Variants in TSPAN15 observed in about 807,000 individuals in gnomAD.
The protein encoded by TSPAN15 is tetraspanin 15, also known as tetraspanin-15.
In TSPAN15, 20 loss-of-function variants were observed where a neutral mutation model predicts 34.5. The observed-to-expected ratio is 0.58, with a 90% CI of 0.41 to 0.84. TSPAN15 has a LOEUF of 0.84. TSPAN15 is among the 40% of genes least tolerant of loss of function. TSPAN15 has a pLI of 0.00. For missense variants in TSPAN15, 313 were observed against 386.1 expected, an observed-to-expected ratio of 0.81 and a Z score of 1.59; for synonymous variants, 155 against 153.9, an observed-to-expected ratio of 1.01 and a Z score of -0.05.
downstream of TSPAN15, among the ~76,000 whole-genome samples, chr10:69,510,994 T>C (rs1192662618): frequency 6.6e-6 from 1 of 152,230 alleles, no homozygotes; most frequent in Non-Finnish European, 1.5e-5. Context: ...TTATTGAGGA[T>C]TTTTGCATCG....
intron 1 of TSPAN15, among the ~76,000 whole-genome samples, chr10:69,466,712 T>C (rs1200740338): frequency 2.0e-5 from 3 of 152,230 alleles, no homozygotes; most frequent in African/African-American, 7.2e-5. Flanking sequence ...TCTGGGAATG[T>C]AGGCAGTGTG....
chr10:69,533,906 A>T, the TSPAN15 span, among the ~76,000 whole-genome samples: 16 of 152,278 alleles, frequency 1.1e-4, no homozygotes, highest in East Asian at 2.3e-3. Context: ...TGCAGAATTG[A>T]TTGCTTGTTT....
At chr10:69,488,756 T>C (rs1015284582) in intron 3 of TSPAN15, among the ~76,000 whole-genome samples, 5 of 151,984 alleles carry the variant, frequency 3.3e-5, no homozygotes, top group Non-Finnish European at 7.4e-5. Flanking sequence ...GATCACATGC[T>C]TCAAAGGGCA....
At chr10:69,483,928 G>GCC in intron 2 of TSPAN15, 52 bp downstream of exon 2, 2 of 1,568,526 alleles carry the variant, frequency 1.3e-6, no homozygotes, top group Non-Finnish European at 1.7e-6. Context: ...GAGCTGGGGC[G>GCC]CCTGCCCCTG....
intron 1 of TSPAN15, among the ~76,000 whole-genome samples, chr10:69,469,605 G>A (rs1589630241): frequency 1.3e-5 from 2 of 152,078 alleles, no homozygotes; most frequent in African/African-American, 2.4e-5. Context: ...AGCCTCCCAC[G>A]TATTAGGTTG....
the TSPAN15 span, among the ~76,000 whole-genome samples, chr10:69,528,679 C>T: frequency 1.3e-5 from 2 of 148,396 alleles, no homozygotes; most frequent in African/African-American, 4.9e-5. Context: ...AGCAATGGAA[C>T]AGCTCACAGA....
At chr10:69,526,497 A>C in the TSPAN15 span, among the ~76,000 whole-genome samples, 4 of 148,528 alleles carry the variant, frequency 2.7e-5, no homozygotes, top group African/African-American at 9.8e-5. Flanking sequence ...GATGGCTAGA[A>C]TGAAAAAGCC....
intron 1 of TSPAN15, among the ~76,000 whole-genome samples, chr10:69,458,120 C>A (rs754999994): frequency 1.3e-5 from 2 of 152,284 alleles, no homozygotes; most frequent in African/African-American, 2.4e-5. Flanking sequence ...CCTTTCCAGG[C>A]GCCATGTATG....
At chr10:69,523,368 C>A in the TSPAN15 span, 1 of 576,560 alleles carries the variant, frequency 1.7e-6, no homozygotes, top group Non-Finnish European at 3.2e-6. Context: ...GGGCCAAAGT[C>A]TGGATGCTGG....
chr10:69,498,691 T>C (rs770627590), intron 5 of TSPAN15, among the ~76,000 whole-genome samples: 2 of 152,198 alleles, frequency 1.3e-5, no homozygotes, highest in East Asian at 3.9e-4. Flanking sequence ...CATTTAGTAT[T>C]CACGACAACC....
the TSPAN15 span, among the ~76,000 whole-genome samples, chr10:69,514,327 A>G: frequency 6.6e-6 from 1 of 152,154 alleles, no homozygotes; most frequent in African/African-American, 2.4e-5. Context: ...GTTTTCTTGT[A>G]AAATCTTTGT....
At chr10:69,452,675 A>T (rs1840999697) in intron 1 of TSPAN15, among the ~76,000 whole-genome samples, 1 of 152,186 alleles carries the variant, frequency 6.6e-6, no homozygotes, top group African/African-American at 2.4e-5. Context: ...GGGTTTCTGT[A>T]AGGGCGTTTC....
chr10:69,539,517 G>GAAGAAT, the TSPAN15 span, among the ~76,000 whole-genome samples: 1 of 109,690 alleles, frequency 9.1e-6, no homozygotes, highest in Non-Finnish European at 2.0e-5. Context: ...AGAAGAAGAA[G>GAAGAAT]AAGAAGAAGA....
chr10:69,501,106 G>T (rs1842197003), intron 5 of TSPAN15, among the ~76,000 whole-genome samples: 1 of 152,220 alleles, frequency 6.6e-6, no homozygotes, highest in Admixed American at 6.5e-5. Context: ...GGCTGCCACT[G>T]CCTGAGAGGG....
downstream of TSPAN15, among the ~76,000 whole-genome samples, chr10:69,512,226 T>A (rs539761553): frequency 4.5e-4 from 68 of 152,338 alleles, 1 homozygote; most frequent in South Asian, 4.6e-3. Flanking sequence ...CTCACAAGGA[T>A]GGAACCATAA....
chr10:69,478,625 C>T (rs920685080), intron 1 of TSPAN15, among the ~76,000 whole-genome samples: 1 of 152,100 alleles, frequency 6.6e-6, no homozygotes, highest in Admixed American at 6.6e-5. Context: ...GCCAGGGACC[C>T]TTTGGTTCTC....
chr10:69,507,651 G>GTTTTTTTTTTTTTTTT (rs398014021), exon 8 of TSPAN15: 16 of 1,012,132 alleles, frequency 1.6e-5, no homozygotes, highest in East Asian at 2.5e-4. Flanking sequence ...ATAAAAACAT[G>GTTTTTTTTTTTTTTTT]TTTTTTTTTT....
intron 4 of TSPAN15, 142 bp from the exon 5 acceptor site, chr10:69,498,138 G>A (rs1842125087): frequency 5.7e-6 from 4 of 697,146 alleles, no homozygotes; most frequent in Non-Finnish European, 1.0e-5. Flanking sequence ...TGACAGCTCT[G>A]ACTTGAAAGT....
chr10:69,507,326 G>C lies in TSPAN15; in HGVS notation c.*348G>C. The C allele has an allele frequency of 1.6e-6, 2 of 1,229,262 alleles. No individual in the cohort carries two copies. The highest frequency in any genetic ancestry group is 5.1e-5 in the East Asian group (1 of 19,676). The allele number at this position is 1,229,262 out of a possible 1,614,324, so 76.1% of individuals were successfully genotyped here. Reference sequence around the variant, plus strand: ...GCAGTGCCTTGGCGGTGGTATTCAAGGCAGTTTTGTAGCACCTGTAATTGG... The same window carrying C: ...GCAGTGCCTTGGCGGTGGTATTCAACGCAGTTTTGTAGCACCTGTAATTGG... On this transcript the variant is annotated 3_prime_UTR_variant, in exon 8 of 8. Coordinates refer to ENST00000373290, the MANE Select transcript of TSPAN15 (RefSeq NM_012339.5).
Sources: allele counts gnomAD v4.1 joint callset (sites outside exome capture counted in the v4.1 genomes callset), GRCh38; gene constraint gnomAD v4.1.1; transcripts MANE v1.5; gene names NCBI Gene and HGNC (gene_info 2026-07-23, HGNC 2026-07-21).